EPHB2: variants seen among roughly 807,000 people sequenced by gnomAD.
The protein encoded by EPHB2 is EPH receptor B2.
Under a neutral mutation model 96.4 loss-of-function variants are expected in EPHB2, and 18 were observed. That is an observed-to-expected ratio of 0.19 (90% CI 0.13 to 0.28). EPHB2 has a LOEUF of 0.28. Among genes scored for constraint, EPHB2 ranks in the 10% least tolerant of loss-of-function variants. The pLI is 1.00. For missense variants in EPHB2, 989 were observed against 1,355.4 expected, an observed-to-expected ratio of 0.73 and a Z score of 4.25; for synonymous variants, 506 against 534.1, an observed-to-expected ratio of 0.95 and a Z score of 0.72.
rs1212393209 is a variant in EPHB2, at chr1:22,813,563, C to T, written c.811+28487C>T. ...GGTGCTGGCAGAGGCTGTGGAGGGG[C>T]CATCTGGGAGGTAGGGTCAGCAGTA... On this transcript the variant is annotated intron_variant, in intron 3 of 15. Coordinates refer to ENST00000374630, the MANE Select transcript of EPHB2 (RefSeq NM_017449.5). Among the ~76,000 whole-genome samples the T allele has an allele frequency of 3.3e-5, 5 of 152,302 alleles. No homozygotes were observed. In the East Asian group the frequency reaches 9.6e-4, roughly 29 times the overall value.
intron 3 of EPHB2, among the ~76,000 whole-genome samples, chr1:22,841,689 G>A (rs948407959): frequency 1.3e-5 from 2 of 152,318 alleles, no homozygotes; most frequent in South Asian, 4.1e-4. Context: ...CAGTCTTGAA[G>A]GTGGGAGCAG....
At position 22,916,772 on chromosome 1, in the gene EPHB2, T is replaced by C. The variant is rs309493; in HGVS notation, c.*3202T>C. 0.032 allele frequency: 4,942 copies of C among 152,284 alleles called. 251 individuals carry two copies. Among genetic ancestry groups the C allele is most frequent in the African/African-American group, 0.11 (4,508 of 41,460 alleles). 9.4% of individuals were successfully genotyped at this position (152,284 alleles called of 1,614,324 possible). A position where few individuals can be genotyped will look rare whatever the true frequency, so the allele number is the denominator to read the frequency against. On this transcript the variant is annotated 3_prime_UTR_variant, in exon 16 of 16. Coordinates refer to ENST00000374630, the MANE Select transcript of EPHB2 (RefSeq NM_017449.5). The surrounding 1 kb of genome is among the most constrained non-coding windows in gnomAD (Gnocchi z 4.2). ...TACTGCAGGAAAGAAAGCTGCCTTG[T>C]AAACACAGGCCAGGGCACCGTGGAA...
intron 5 of EPHB2, among the ~76,000 whole-genome samples, chr1:22,876,612 G>T (rs1244997808): frequency 1.3e-5 from 2 of 152,192 alleles, no homozygotes; most frequent in Non-Finnish European, 2.9e-5. Context: ...CCTTGCAGGG[G>T]TCACAGGGCA....
intron 1 of EPHB2, among the ~76,000 whole-genome samples, chr1:22,775,474 A>T (rs1644437178): frequency 6.6e-6 from 1 of 152,260 alleles, no homozygotes; most frequent in South Asian, 2.1e-4. Context: ...CCACAAGGGG[A>T]TCAGACAGAG....
At chr1:22,738,819 GA>G (rs891681424) in intron 1 of EPHB2, among the ~76,000 whole-genome samples, 6 of 152,184 alleles carry the variant, frequency 3.9e-5, no homozygotes, top group Non-Finnish European at 7.3e-5. Flanking sequence ...AGAGGAGGAA[GA>G]GAGGCATTCT....
At chr1:22,737,349 A>T (rs1468730046) in intron 1 of EPHB2, among the ~76,000 whole-genome samples, 3 of 152,172 alleles carry the variant, frequency 2.0e-5, no homozygotes, top group African/African-American at 7.2e-5. Context: ...AATCAAGGTC[A>T]AACAGCTGCT....
intron 1 of EPHB2, among the ~76,000 whole-genome samples, chr1:22,716,063 CA>C (rs1421635633): frequency 6.6e-6 from 1 of 152,196 alleles, no homozygotes; most frequent in Non-Finnish European, 1.5e-5. Context: ...CACAAGCTCC[CA>C]ACTTCCCCCA....
At chr1:22,910,096 G>A (rs1457378796) in intron 13 of EPHB2, among the ~76,000 whole-genome samples, 5 of 152,168 alleles carry the variant, frequency 3.3e-5, no homozygotes. Context: ...ACCAGGCACA[G>A]GAGGATCATC....
chr1:22,913,137 G>A lies in EPHB2; in HGVS notation c.2853-325G>A, dbSNP rs1005769123. The stretch of plus-strand genomic sequence containing the variant: ...GAACCAAGGAGGTAGAGGTTGCAGT[G>A]AGCTGAGATCACGCCACTGCACACC... On this transcript the variant is annotated intron_variant, in intron 15 of 15. Coordinates refer to ENST00000374630, the MANE Select transcript of EPHB2 (RefSeq NM_017449.5). The surrounding 1 kb of genome is among the most constrained non-coding windows in gnomAD (Gnocchi z 4.1). 33 of 413,114 alleles carry A rather than the reference G, an allele frequency of 8.0e-5. No individual in the cohort carries two copies. Among genetic ancestry groups the A allele is most frequent in the Non-Finnish European group, 1.2e-4 (27 of 219,104 alleles). 25.6% of individuals were successfully genotyped at this position (413,114 alleles called of 1,614,324 possible). A position where few individuals can be genotyped will look rare whatever the true frequency, so the allele number is the denominator to read the frequency against.
chr1:22,721,201 T>C (rs1346493053), intron 1 of EPHB2, among the ~76,000 whole-genome samples: 1 of 152,236 alleles, frequency 6.6e-6, no homozygotes, highest in East Asian at 1.9e-4. Flanking sequence ...GACCACAGGC[T>C]GGCCCCAGAG....
At chr1:22,752,388 T>C (rs1010641940) in intron 1 of EPHB2, among the ~76,000 whole-genome samples, 3 of 152,120 alleles carry the variant, frequency 2.0e-5, no homozygotes, top group Non-Finnish European at 4.4e-5. Flanking sequence ...TCCCAGTTAC[T>C]TGGGAAGCTG....
chr1:22,729,111 A>G lies in EPHB2; in HGVS notation c.61+18068A>G, dbSNP rs928861857. The stretch of plus-strand genomic sequence containing the variant: ...TAGGATCACAGGGGGAGCTACACCA[A>G]GGTTCCTGAACTTCTGGGCAGGTTG... On this transcript the variant is annotated intron_variant, in intron 1 of 15. Transcript: ENST00000374630. Among the ~76,000 whole-genome samples, 22 of 152,322 alleles carry G rather than the reference A, an allele frequency of 1.4e-4. No homozygotes were observed. In the Middle Eastern group the frequency reaches 0.014, roughly 94 times the overall value.
At chr1:22,746,734 A>G (rs982645828) in intron 1 of EPHB2, among the ~76,000 whole-genome samples, 1 of 152,188 alleles carries the variant, frequency 6.6e-6, no homozygotes, top group Non-Finnish European at 1.5e-5. Flanking sequence ...ACCTTTCAGG[A>G]TGCAGAAGTC....
intron 3 of EPHB2, among the ~76,000 whole-genome samples, chr1:22,859,305 G>GGC (rs1557717577): frequency 3.4e-5 from 5 of 149,172 alleles, no homozygotes; most frequent in African/African-American, 1.3e-4. Flanking sequence ...GGTGGGGGGG[G>GGC]GGGTATTGTA....
chr1:22,760,198 G>T (rs1013303533), intron 1 of EPHB2, among the ~76,000 whole-genome samples: 2 of 152,080 alleles, frequency 1.3e-5, no homozygotes, highest in Non-Finnish European at 2.9e-5. Flanking sequence ...TGGTGGAGGT[G>T]GGGCACTCAG....
intron 6 of EPHB2, among the ~76,000 whole-genome samples, chr1:22,884,940 G>A (rs911905674): frequency 1.3e-5 from 2 of 152,186 alleles, no homozygotes. Context: ...TAGAAAGTAA[G>A]TTCCTTGAGG....
chr1:22,737,334 A>T (rs553038427), intron 1 of EPHB2, among the ~76,000 whole-genome samples: 6 of 152,286 alleles, frequency 3.9e-5, no homozygotes, highest in African/African-American at 7.2e-5. Context: ...CTCCTTATCT[A>T]AAAAAATCAA....
At chr1:22,876,166 G>A (rs1271196290) in intron 5 of EPHB2, among the ~76,000 whole-genome samples, 1 of 152,086 alleles carries the variant, frequency 6.6e-6, no homozygotes, top group African/African-American at 2.4e-5. Context: ...CTTGGGATGG[G>A]GTCTCCAGCT....
Position 22,913,594 on chromosome 1 carries a change from C to A in EPHB2, c.*24C>A, listed in dbSNP as rs1476640160. On this transcript the variant is annotated 3_prime_UTR_variant, in exon 16 of 16. Coordinates refer to ENST00000374630, the MANE Select transcript of EPHB2 (RefSeq NM_017449.5). This position sits in a 1 kb window ranked among gnomAD's most constrained non-coding sequence, Gnocchi z 4.1. Reference sequence around the variant, plus strand: ...GACATTCACCTGCCTCGGCTCACCTCTTCCTCCAAGCCCCGCCCCCTCTGC... The same window carrying A: ...GACATTCACCTGCCTCGGCTCACCTATTCCTCCAAGCCCCGCCCCCTCTGC... The A allele has an allele frequency of 5.6e-6, 9 of 1,613,788 alleles. No individual in the cohort carries two copies. The South Asian group carries it at 6.6e-5, about 12-fold the overall frequency.
Sources: allele counts gnomAD v4.1 joint callset (sites outside exome capture counted in the v4.1 genomes callset), GRCh38; gene constraint gnomAD v4.1.1; non-coding constraint Gnocchi (gnomAD v3.1); transcripts MANE v1.5; gene names NCBI Gene and HGNC (gene_info 2026-07-23, HGNC 2026-07-21).